Variants in STAT5B observed in about 807,000 individuals in gnomAD.
STAT5B encodes transcription factor STAT5B.
STAT5B carries 21 observed loss-of-function variants against 107.8 expected under a neutral mutation model. The ratio of observed to expected loss-of-function variants is 0.19; its 90% CI spans 0.14 to 0.28. STAT5B has a LOEUF of 0.28. STAT5B is among the 10% of genes least tolerant of loss of function. The pLI is 1.00. For missense variants in STAT5B, 565 were observed against 1,008.2 expected (o/e 0.56, Z 5.95); for synonymous variants, 325 against 401.7 (o/e 0.81, Z 2.28).
chr17:42,255,088 T>C (rs939776737), intron 1 of STAT5B, among the ~76,000 whole-genome samples: 1 of 145,088 alleles, frequency 6.9e-6, no homozygotes, highest in Non-Finnish European at 1.5e-5. Context: ...AGACTCCGTC[T>C]AAAAAAAAAA....
At chr17:42,280,541 C>T (rs1397084788), upstream of STAT5B, among the ~76,000 whole-genome samples, 2 of 152,144 alleles carry the variant, frequency 1.3e-5, no homozygotes, top group African/African-American at 4.8e-5. Context: ...CCCTGGGCAA[C>T]CACCGGCCAC....
At chr17:42,202,484 G>A in intron 17 of STAT5B, 37 bp from the exon 18 acceptor site, 2 of 1,610,920 alleles carry the variant, frequency 1.2e-6, no homozygotes, top group East Asian at 4.5e-5. Context: ...AGCTGCCAGG[G>A]AGGCCAGGGC....
chr17:42,217,694 T>A (rs1037024958), intron 9 of STAT5B: 3 of 567,726 alleles, frequency 5.3e-6, no homozygotes, highest in Admixed American at 6.1e-5. Context: ...GAGAACTTTT[T>A]TTTTTTTTTT....
chr17:42,231,268 G>A (rs2080315345), intron 2 of STAT5B, among the ~76,000 whole-genome samples: 1 of 152,098 alleles, frequency 6.6e-6, no homozygotes, highest in Admixed American at 6.6e-5. Flanking sequence ...AGCATCCTGG[G>A]TAGCTGGGAT....
At chr17:42,232,181 T>C (rs2080322870) in intron 1 of STAT5B, 44 bp from the exon 2 acceptor site, 1 of 1,603,612 alleles carries the variant, frequency 6.2e-7, no homozygotes. Flanking sequence ...TTTCTTTATT[T>C]TCCCCTTACA....
the STAT5B span, among the ~76,000 whole-genome samples, chr17:42,282,603 G>A: frequency 6.6e-6 from 1 of 152,160 alleles, no homozygotes; most frequent in Admixed American, 6.5e-5. Context: ...GCCTCCCAAA[G>A]TGCTAGGATT....
In STAT5B at chr17:42,247,895, G is replaced by A. The variant is rs115161630; in HGVS notation, c.-10-15758C>T. On this transcript the variant is annotated intron_variant, in intron 1 of 18. Coordinates refer to ENST00000293328, the MANE Select transcript of STAT5B (RefSeq NM_012448.4). ...TTGAGCCTAGGAGTTAGTAGCTGCA[G>A]TGAACTATGATTGCGCCACTGCATG... Among the ~76,000 whole-genome samples, 384 of 151,814 alleles carry A rather than the reference G, an allele frequency of 2.5e-3. 3 individuals are homozygous for A. Among genetic ancestry groups the A allele is most frequent in the African/African-American group, 8.8e-3 (365 of 41,358 alleles).
At chr17:42,230,911 C>T (rs934182652) in intron 2 of STAT5B, among the ~76,000 whole-genome samples, 1 of 152,088 alleles carries the variant, frequency 6.6e-6, no homozygotes, top group Non-Finnish European at 1.5e-5. Flanking sequence ...GATCTGCCTG[C>T]CTTGGCCTCC....
rs552011071 is a variant in STAT5B at position 42,261,905 on chromosome 17, G to T, written c.-11+14343C>A. Among the ~76,000 whole-genome samples, 9 of 152,134 alleles carry T rather than the reference G, an allele frequency of 5.9e-5. No individual in the cohort carries two copies. The East Asian group carries it at 1.7e-3, about 29-fold the overall frequency. ...AATAAAGATGGGATCTCATTACGTT[G>T]TCCAGGCTAGTCTCGAACTCCCGGC... On this transcript the variant is annotated intron_variant, in intron 1 of 18. Transcript: ENST00000293328.
chr17:42,272,755 T>A (rs916246819), intron 1 of STAT5B: 2 of 151,970 alleles, frequency 1.3e-5, no homozygotes, highest in Admixed American at 1.3e-4. Context: ...ACCCCAATAT[T>A]ACCATTTAAA....
At chr17:42,263,406 A>G (rs2080635521) in intron 1 of STAT5B, among the ~76,000 whole-genome samples, 1 of 152,172 alleles carries the variant, frequency 6.6e-6, no homozygotes, top group African/African-American at 2.4e-5. Flanking sequence ...AAAAGAAAAC[A>G]CTGATAACAA....
At chr17:42,223,693 G>A (rs953150926) in intron 4 of STAT5B, 137 bp from the exon 5 acceptor site, 12 of 973,426 alleles carry the variant, frequency 1.2e-5, no homozygotes, top group East Asian at 5.0e-5. Flanking sequence ...AAAAGCAAAC[G>A]TCATCATGAG....
intron 16 of STAT5B, among the ~76,000 whole-genome samples, chr17:42,205,388 G>A (rs2080077377): frequency 1.3e-5 from 2 of 152,010 alleles, no homozygotes; most frequent in South Asian, 4.2e-4. Flanking sequence ...ATATGATATG[G>A]TCTAGACTCC....
chr17:42,247,948 T>C (rs2080465383), intron 1 of STAT5B, among the ~76,000 whole-genome samples: 1 of 138,562 alleles, frequency 7.2e-6, no homozygotes, highest in Non-Finnish European at 1.6e-5. Context: ...CCAGACTCAT[T>C]CTCTAAAAAA....
At position 42,206,269 on chromosome 17, in the gene STAT5B, T is replaced by C. The variant is rs1018909677; in HGVS notation, c.2077+1289A>G. 2.6e-5 allele frequency among the ~76,000 whole-genome samples: 4 copies of C among 152,254 alleles called. No homozygotes were observed. In the Middle Eastern group the frequency reaches 0.014, roughly 518 times the overall value. ...CACACCTGACTACTTTTTGTATTTT[T>C]AGTAGAGATGGGGTTTCACCATGTT... On this transcript the variant is annotated intron_variant, in intron 16 of 18. Transcript: ENST00000293328.
intron 2 of STAT5B, among the ~76,000 whole-genome samples, chr17:42,228,989 G>A (rs1050371633): frequency 7.9e-5 from 12 of 152,134 alleles, no homozygotes; most frequent in African/African-American, 2.7e-4. Context: ...CCATCAAATA[G>A]TACACCCCAA....
At position 42,229,862 on chromosome 17, in the gene STAT5B, C is replaced by T. The variant is rs1245508304; in HGVS notation, c.128+2138G>A. ...GCCTGGTGACAGAGCGAGACTCCAT[C>T]TCAAAAAAAAAAAAGAATTGAAAAT... On this transcript the variant is annotated intron_variant, in intron 2 of 18. Transcript: ENST00000293328. 6.0e-5 allele frequency among the ~76,000 whole-genome samples: 9 copies of T among 149,936 alleles called. No homozygotes were observed. The East Asian group carries it at 1.8e-3, about 29-fold the overall frequency.
rs779977175 is a variant in STAT5B at position 42,202,800 on chromosome 17, C to T, written c.2086G>A (p.Val696Ile). ...VPCESATAKA[V>I]DGYVKPQIKQ... Reference sequence around the variant, plus strand: ...ATCTGTGGCTTCACGTATCCATCAACAGCTTTAGCTGCCAAGGGAAGAATG... The same window carrying T: ...ATCTGTGGCTTCACGTATCCATCAATAGCTTTAGCTGCCAAGGGAAGAATG... The change falls in exon 17 of 19, where the codon GTT (valine) becomes ATT (isoleucine). Residue 696 changes from valine to isoleucine, a missense_variant. Transcript: ENST00000293328. 1 of 1,614,128 alleles carries T rather than the reference C, an allele frequency of 6.2e-7. No individual in the cohort carries two copies. The highest frequency in any genetic ancestry group is 1.3e-5 in the African/African-American group (1 of 74,934).
At chr17:42,225,911 T>G (rs532521333) in intron 3 of STAT5B, among the ~76,000 whole-genome samples, 1 of 152,258 alleles carries the variant, frequency 6.6e-6, no homozygotes, top group East Asian at 1.9e-4. Context: ...CATTTTATCT[T>G]TAAAAAGCAG....
Sources: allele counts gnomAD v4.1 joint callset (sites outside exome capture counted in the v4.1 genomes callset), GRCh38; gene constraint gnomAD v4.1.1; transcripts MANE v1.5; gene names NCBI Gene and HGNC (gene_info 2026-07-23, HGNC 2026-07-21).